The following FANK1 variants were observed in gnomAD, a reference collection of about 807,000 sequenced individuals.
FANK1 encodes the protein fibronectin type 3 and ankyrin repeat domains protein 1.
In FANK1, 44 loss-of-function variants were observed where a neutral mutation model predicts 45.3. The observed-to-expected ratio is 0.97, with a 90% CI of 0.76 to 1.25. The LOEUF (loss-of-function observed/expected upper bound fraction) is 1.25, where lower values mean the gene tolerates loss of function less well. Among genes scored for constraint, FANK1 ranks in the 50% most tolerant of loss-of-function variants. The pLI, the probability that FANK1 is intolerant of heterozygous loss-of-function variation, is 0.00. For missense variants in FANK1, 391 were observed against 424.4 expected (o/e 0.92, Z 0.69); for synonymous variants, 149 against 152.5 (o/e 0.98, Z 0.17).
Position 126,004,982 on chromosome 10 carries a change from C to G in FANK1, c.638C>G (p.Ala213Gly), listed in dbSNP as rs1326827307. 1.9e-6 allele frequency: 3 copies of G among 1,614,074 alleles called. No individual in the cohort carries two copies. In the African/African-American group the frequency reaches 4.0e-5, roughly 22 times the overall value. ...WQARDLGGCTALHWAADGGHC... is the reference protein window; with the variant it reads ...WQARDLGGCTGLHWAADGGHC... The stretch of plus-strand genomic sequence containing the variant: ...GCTAGAGACCTGGGAGGCTGTACAG[C>G]TCTGCACTGGGCTGCAGATGGAGGC... Residue 213 changes from alanine to glycine, a missense_variant, in exon 7 of 11, where the codon GCT (alanine) becomes GGT (glycine). Ala to Gly is a moderately conservative substitution (Grantham distance 60, BLOSUM62 0). Coordinates refer to ENST00000368693, the MANE Select transcript of FANK1 (RefSeq NM_145235.5).
chr10:125,903,903 G>A (rs1358633835), intron 1 of FANK1, among the ~76,000 whole-genome samples: 1 of 152,052 alleles, frequency 6.6e-6, no homozygotes, highest in African/African-American at 2.4e-5. Context: ...AGGCTGGAGT[G>A]CAGTGGCACA....
chr10:125,998,800 A>G lies in FANK1; in HGVS notation c.539+1315A>G, dbSNP rs141446180. Among the ~76,000 whole-genome samples, 11 of 152,364 alleles carry G rather than the reference A, an allele frequency of 7.2e-5. No individual in the cohort carries two copies. The East Asian group carries it at 1.9e-3, about 27-fold the overall frequency. On this transcript the variant is annotated intron_variant, in intron 6 of 10. Transcript: ENST00000368693. ...CAACCCAAGAAGCAGAAAATTCGAA[A>G]TAACCAATATCCATGCAAGAAACTA...
chr10:125,994,400 ACC>A, intron 3 of FANK1: 1 of 985,088 alleles, frequency 1.0e-6, no homozygotes, highest in Non-Finnish European at 1.2e-6. Flanking sequence ...AATAAATGAG[ACC>A]TTTGAGGTTT....
At chr10:125,908,151 C>T (rs549060578) in intron 1 of FANK1, among the ~76,000 whole-genome samples, 1 of 152,194 alleles carries the variant, frequency 6.6e-6, no homozygotes, top group Admixed American at 6.5e-5. Context: ...CATGCGCCAC[C>T]ACACGCAGCT....
chr10:125,987,787 C>A (rs1368403137), intron 2 of FANK1, among the ~76,000 whole-genome samples: 1 of 152,112 alleles, frequency 6.6e-6, no homozygotes, highest in African/African-American at 2.4e-5. Flanking sequence ...GCCTCACAAG[C>A]AGAAGGTGGG....
At chr10:125,924,825 A>AT (rs1457162583) in intron 1 of FANK1, among the ~76,000 whole-genome samples, 339 of 135,334 alleles carry the variant, frequency 2.5e-3, no homozygotes, top group Middle Eastern at 3.8e-3. Flanking sequence ...AAAAAAAAAA[A>AT]AAAGACTATC....
At chr10:125,987,788 A>G (rs112247127) in intron 2 of FANK1, among the ~76,000 whole-genome samples, 2,110 of 152,286 alleles carry the variant, frequency 0.014, 48 homozygotes, top group African/African-American at 0.046. Context: ...CCTCACAAGC[A>G]GAAGGTGGGG....
intron 6 of FANK1, among the ~76,000 whole-genome samples, chr10:125,998,994 A>T (rs997547980): frequency 5.9e-5 from 9 of 151,992 alleles, no homozygotes; most frequent in African/African-American, 2.2e-4. Flanking sequence ...TTGATAGAGG[A>T]AAAAAAAGCT....
At chr10:125,956,692 C>G (rs1287339232) in intron 1 of FANK1, among the ~76,000 whole-genome samples, 1 of 151,982 alleles carries the variant, frequency 6.6e-6, no homozygotes, top group Non-Finnish European at 1.5e-5. Context: ...GTGTGGTAAC[C>G]TGTGAGTGTG....
intron 1 of FANK1, among the ~76,000 whole-genome samples, chr10:125,936,765 C>T (rs933002713): frequency 4.6e-5 from 7 of 151,964 alleles, no homozygotes; most frequent in African/African-American, 1.7e-4. Context: ...TTGTTTTTGG[C>T]TATTATGAAT....
chr10:125,951,238 A>T (rs540706890), intron 1 of FANK1, among the ~76,000 whole-genome samples: 76 of 104,484 alleles, frequency 7.3e-4, no homozygotes, highest in Admixed American at 1.7e-3. Context: ...TTAAAGTATA[A>T]AAAAAAAAAA....
chr10:125,911,960 T>C (rs1243637124), intron 1 of FANK1, among the ~76,000 whole-genome samples: 1 of 152,140 alleles, frequency 6.6e-6, no homozygotes, highest in Non-Finnish European at 1.5e-5. Context: ...GGGGAAAAAA[T>C]GCGATGTAGA....
At chr10:125,995,367 G>C (rs369995077) in intron 3 of FANK1, 50 bp from the exon 4 acceptor site, 10 of 1,561,440 alleles carry the variant, frequency 6.4e-6, no homozygotes, top group Middle Eastern at 1.7e-4. Context: ...GCGGGAAGCA[G>C]TCTCCTTTTC....
chr10:125,995,352 C>T lies in FANK1; in HGVS notation c.317-65C>T, dbSNP rs372407830. 1.3e-4 allele frequency: 191 copies of T among 1,469,758 alleles called. No homozygotes were observed. The African/African-American group carries it at 1.9e-3, about 15-fold the overall frequency. The allele number at this position is 1,469,758 out of a possible 1,614,324, so 91.0% of individuals were successfully genotyped here. On this transcript the variant is annotated intron_variant, in intron 3 of 10. Transcript: ENST00000368693. ...TGATCCCCTGAAGGCCACAGGAGGACGATGGCGGGAAGCAGTCTCCTTTTC... is the reference window on the plus strand; with the variant it reads ...TGATCCCCTGAAGGCCACAGGAGGATGATGGCGGGAAGCAGTCTCCTTTTC...
At chr10:126,007,637 TGTGC>T (rs762514910) in intron 7 of FANK1, among the ~76,000 whole-genome samples, 104 of 152,250 alleles carry the variant, frequency 6.8e-4, no homozygotes, top group Non-Finnish European at 1.1e-3. Context: ...AGATTGTGTG[TGTGC>T]GTGCACGTGC....
At chr10:125,931,366 A>C (rs1947740415) in intron 1 of FANK1, among the ~76,000 whole-genome samples, 1 of 152,146 alleles carries the variant, frequency 6.6e-6, no homozygotes, top group South Asian at 2.1e-4. Context: ...CACTGCACCC[A>C]CACCAGCATC....
intron 1 of FANK1, among the ~76,000 whole-genome samples, chr10:125,964,763 A>T (rs761866782): frequency 6.6e-6 from 1 of 152,226 alleles, no homozygotes; most frequent in Non-Finnish European, 1.5e-5. Context: ...TTGCAGGATG[A>T]TAGAGAATGC....
rs189489813 is a variant in FANK1 at position 125,955,404 on chromosome 10, C to A, written c.14-24757C>A. On this transcript the variant is annotated intron_variant, in intron 1 of 10. Transcript: ENST00000368693. ...TTGCTGAGGATAATGGCTTCCAGCT[C>A]CATCTATGTCCCTGCAAAGGATATG... is the stretch of plus-strand genomic sequence containing the variant. Among the ~76,000 whole-genome samples the A allele has an allele frequency of 1.8e-3, 280 of 152,256 alleles. 7 individuals carry two copies. The highest frequency in any genetic ancestry group is 1.9e-4 in the Non-Finnish European group (13 of 68,026).
At position 125,994,339 on chromosome 10, in the gene FANK1, C is replaced by G. The variant is rs967880676; in HGVS notation, c.317-1078C>G. On this transcript the variant is annotated intron_variant, in intron 3 of 10. Transcript: ENST00000368693. ...GGTTAGCTCTTTTCATGCTAACCCC[C>G]TAGAGCCTAGCACAGGACTTGGCAT... is the stretch of plus-strand genomic sequence containing the variant. The G allele has an allele frequency of 6.3e-6, 6 of 959,372 alleles. No individual in the cohort carries two copies. The African/African-American group carries it at 8.8e-5, about 14-fold the overall frequency. 59.4% of individuals were successfully genotyped at this position (959,372 alleles called of 1,614,324 possible). A position where few individuals can be genotyped will look rare whatever the true frequency, so the allele number is the denominator to read the frequency against.
Sources: gnomAD v4.1 joint callset for allele counts (sites outside exome capture counted in the v4.1 genomes callset) on GRCh38, gnomAD v4.1.1 for gene constraint, MANE v1.5 for transcripts, NCBI Gene and HGNC (gene_info 2026-07-23, HGNC 2026-07-21) for gene names.